SPDYE21: variants seen among roughly 807,000 people sequenced by gnomAD.
SPDYE21 encodes speedy protein E21.
A neutral mutation model predicts 36.2 loss-of-function variants in SPDYE21; 14 were observed. That is an observed-to-expected ratio of 0.39 (90% confidence interval 0.26 to 0.61). SPDYE21 has a LOEUF of 0.61. Among genes scored for constraint, SPDYE21 ranks in the 20% least tolerant of loss-of-function variants. SPDYE21 has a pLI of 0.55. For synonymous variants in SPDYE21, 58 were observed against 155.1 expected (o/e 0.37, Z 4.65); for missense variants, 233 against 424.6 (o/e 0.55, Z 3.97).
At chr7:67,282,462 G>A (rs1047795077) in intron 4 of SPDYE21, among the ~76,000 whole-genome samples, 173 bp from the exon 5 acceptor site, 2 of 150,926 alleles carry the variant, frequency 1.3e-5, no homozygotes, top group Admixed American at 6.6e-5. Context: ...GGGAGTCTCA[G>A]AGCAGGAGCC....
In SPDYE21 at chr7:67,286,187, G is replaced by A. The variant is rs1802729671; in HGVS notation, c.899G>A (p.Arg300Lys). 7 of 1,611,482 alleles carry A rather than the reference G, an allele frequency of 4.3e-6. No homozygotes were observed. The African/African-American group carries it at 5.4e-5, about 12-fold the overall frequency. Residue 300 changes from arginine (R) to lysine (K), a missense_variant, in exon 7 of 9, where the codon AGG becomes AAG. Physicochemically the swap from Arg to Lys is conservative, Grantham distance 26 (BLOSUM62 2). Transcript: ENST00000424157. ...QLGRSMNPRA[R>K]KNRSRIPLLR... ...GGCCGTTCCATGAACCCGAGGGCCA[G>A]GAAGAACCGCTCTCGCATACCCTTG...
intron 1 of SPDYE21, among the ~76,000 whole-genome samples, chr7:67,278,026 G>T (rs3980818): frequency 3.0e-5 from 2 of 67,340 alleles, no homozygotes; most frequent in African/African-American, 1.2e-4. Flanking sequence ...TATAGAATCT[G>T]GGACAGTGAA....
chr7:67,286,113 G>C lies in SPDYE21; in HGVS notation c.825G>C (p.Gly275=), dbSNP rs1245157599. 6.2e-7 allele frequency: 1 copy of C among 1,613,926 alleles called. No individual in the cohort carries two copies. The highest frequency in any genetic ancestry group is 1.3e-5 in the African/African-American group (1 of 74,918). ...AAAACATCTTCCACTTCCTGTATGG[G>C]AAGACCCGCTCTCGCATACCCTTGC... ...SKQNIFHFLY[G]KTRSRIPLLR... Residue 275 remains glycine (G), a synonymous_variant, in exon 7 of 9, where the codon GGG becomes GGC. Transcript: ENST00000424157.
chr7:67,283,256 C>T (rs1196235333), intron 5 of SPDYE21, among the ~76,000 whole-genome samples: 1 of 148,252 alleles, frequency 6.7e-6, no homozygotes, highest in Non-Finnish European at 1.5e-5. Flanking sequence ...TCCTCAGCCC[C>T]CTGAGGAGCT....
At position 67,286,421 on chromosome 7, in the gene SPDYE21, C is replaced by T. The variant is rs570883354; in HGVS notation, c.1133C>T (p.Pro378Leu). Residue 378 changes from proline to leucine, a missense_variant, in exon 7 of 9, where the codon CCG (proline) becomes CTG (leucine). By Grantham distance (98) the Pro-to-Leu change is moderately conservative. Around this residue, in one of 4 missense-constraint regions of SPDYE21, gnomAD observed 139 missense variants for 175.8 expected, o/e 0.79. Transcript: ENST00000424157. ...CSMSGRAWVS[P>L]EELEEIQAYD... ...ATGAGCGGCAGGGCTTGGGTTTCCC[C>T]GGAGGAGTTGGAGGAGGTGAGTGGG... Among the ~76,000 whole-genome samples, 24 of 151,644 alleles carry T rather than the reference C, an allele frequency of 1.6e-4. No individual in the cohort carries two copies. Among genetic ancestry groups the T allele is most frequent in the East Asian group, 5.9e-4 (3 of 5,120 alleles).
Position 67,286,055 on chromosome 7 carries a change from A to G in SPDYE21, c.767A>G (p.Asn256Ser). ...ATTTCTATCCTCAGCTACCTGGCCA[A>G]TGACATGGAGGAGGACGACGAGGAC... ...IHFFLALYLA[N>S]DMEEDDEDSK... is the part of the protein sequence containing the mutation. The change falls in exon 7 of 9, where the codon AAT (asparagine) becomes AGT (serine). Residue 256 changes from asparagine (N) to serine (S), a missense_variant. Physicochemically the swap from Asn to Ser is conservative, Grantham distance 46. This residue lies in a region of SPDYE21 where 139 missense variants were observed against 175.8 expected (regional missense o/e 0.79). Transcript: ENST00000424157. The G allele has an allele frequency of 6.2e-7, 1 of 1,613,228 alleles. No individual in the cohort carries two copies. The highest frequency in any genetic ancestry group is 8.5e-7 in the Non-Finnish European group (1 of 1,180,006).
At chr7:67,281,964 C>G (rs975512221) in intron 4 of SPDYE21, among the ~76,000 whole-genome samples, 1 of 151,842 alleles carries the variant, frequency 6.6e-6, no homozygotes, top group African/African-American at 2.4e-5. Context: ...AGAGCAAAAC[C>G]CTGTCTCAAA....
intron 5 of SPDYE21, among the ~76,000 whole-genome samples, chr7:67,283,067 A>G (rs1802670423): frequency 6.6e-6 from 1 of 150,380 alleles, no homozygotes; most frequent in Admixed American, 6.7e-5. Flanking sequence ...TGGCCTCCCA[A>G]AGTGCTGAGA....
chr7:67,286,103 T>C lies in SPDYE21; in HGVS notation c.815T>C (p.Phe272Ser). 1 of 1,614,026 alleles carries C rather than the reference T, an allele frequency of 6.2e-7. No individual in the cohort carries two copies. Among genetic ancestry groups the C allele is most frequent in the Non-Finnish European group, 8.5e-7 (1 of 1,180,030 alleles). Reference protein sequence around the residue: ...DEDSKQNIFHFLYGKTRSRIP... With the variant: ...DEDSKQNIFHSLYGKTRSRIP... ...GACTCCAAACAAAACATCTTCCACT[T>C]CCTGTATGGGAAGACCCGCTCTCGC... Residue 272 changes from phenylalanine (F) to serine (S), a missense_variant, in exon 7 of 9, where the codon TTC (phenylalanine) becomes TCC (serine). By Grantham distance (155) the Phe-to-Ser change is radical. Coordinates refer to ENST00000424157, the MANE Select transcript of SPDYE21 (RefSeq NM_001382715.2).
At chr7:67,281,919 C>G (rs995279767) in intron 4 of SPDYE21, among the ~76,000 whole-genome samples, 133 of 152,278 alleles carry the variant, frequency 8.7e-4, no homozygotes, top group African/African-American at 3.0e-3. Flanking sequence ...CTGCAGTGAG[C>G]TGTGACTACA....
At chr7:67,284,247 G>A (rs1211741880) in intron 6 of SPDYE21, among the ~76,000 whole-genome samples, 6 of 150,462 alleles carry the variant, frequency 4.0e-5, no homozygotes, top group African/African-American at 9.8e-5. Context: ...TCAGCAGTTC[G>A]AGACCAGCCT....
At chr7:67,284,564 A>G (rs1802696602) in intron 6 of SPDYE21, among the ~76,000 whole-genome samples, 2 of 146,096 alleles carry the variant, frequency 1.4e-5, no homozygotes, top group African/African-American at 2.5e-5. Context: ...GGAGTGGAGG[A>G]GCGGACATGC....
intron 3 of SPDYE21, among the ~76,000 whole-genome samples, chr7:67,281,119 A>G (rs1236471678): frequency 2.8e-5 from 4 of 141,732 alleles, no homozygotes; most frequent in Non-Finnish European, 1.6e-5. Flanking sequence ...AAAAAAAAAA[A>G]AAAAAGGGAC....
In SPDYE21 at chr7:67,288,263, G is replaced by T. The variant is rs1802777270; in HGVS notation, c.*791G>T. On this transcript the variant is annotated 3_prime_UTR_variant, in exon 9 of 9. Transcript: ENST00000424157. Reference sequence around the variant, plus strand: ...TAATCTCTTCTATTTATAGCTATTGGTAGTTCCCCACCAGAAAAAAACATA... The same window carrying T: ...TAATCTCTTCTATTTATAGCTATTGTTAGTTCCCCACCAGAAAAAAACATA... 6.7e-6 allele frequency among the ~76,000 whole-genome samples: 1 copy of T among 148,334 alleles called. No homozygotes were observed. Among genetic ancestry groups the T allele is most frequent in the Non-Finnish European group, 1.5e-5 (1 of 66,864 alleles).
In SPDYE21 at chr7:67,279,842, C is replaced by G. The variant is rs1177244903; in HGVS notation, c.185C>G (p.Pro62Arg). The G allele has an allele frequency of 3.1e-6, 5 of 1,593,508 alleles. No homozygotes were observed. In the African/African-American group the frequency reaches 4.0e-5, roughly 13 times the overall value. ...GCCCCTGGGGTAGATCCCAGCCCCC[C>G]ATGTAGGTCCCTTGGCTGGAAAAGG... ...PSAPGVDPSP[P>R]CRSLGWKRKK... The change falls in exon 3 of 9, where the codon CCA becomes CGA. Residue 62 changes from proline (P) to arginine (R), a missense_variant. Transcript: ENST00000424157.
In SPDYE21 at chr7:67,278,146, CACATGATAATCTCACTCTTGT is replaced by C. The variant is rs1563093972; in HGVS notation, c.-422-125_-422-105del. ...CTTGTACATGATAATCTCACTCTTG[CACATGATAATCTCACTCTTGT>C]ACATGATAATCTCACTCTTGCACAT... On this transcript the variant is annotated intron_variant, in intron 1 of 8. Coordinates refer to ENST00000424157, the MANE Select transcript of SPDYE21 (RefSeq NM_001382715.2). Among the ~76,000 whole-genome samples the C allele has an allele frequency of 2.5e-3, 95 of 38,244 alleles. 18 individuals are homozygous for C. Among genetic ancestry groups the C allele is most frequent in the East Asian group, 0.016 (13 of 832 alleles). The allele number at this position is 38,244 out of a possible 152,430, so 25.1% of individuals were successfully genotyped here.
chr7:67,287,132 G>C (rs1443532911), intron 8 of SPDYE21, among the ~76,000 whole-genome samples: 2 of 152,200 alleles, frequency 1.3e-5, no homozygotes, highest in African/African-American at 4.8e-5. Context: ...CTCGTGGTTC[G>C]TGATGTTGTC....
intron 5 of SPDYE21, among the ~76,000 whole-genome samples, chr7:67,283,018 T>C (rs1467555889): frequency 1.4e-5 from 2 of 142,478 alleles, no homozygotes; most frequent in African/African-American, 5.3e-5. Context: ...GTTGGCCAGG[T>C]TGGTCCTGAA....
chr7:67,277,687 G>C (rs1176589256), intron 1 of SPDYE21, among the ~76,000 whole-genome samples: 1 of 151,712 alleles, frequency 6.6e-6, no homozygotes, highest in Non-Finnish European at 1.5e-5. Flanking sequence ...GCCACCCAAA[G>C]TGCTGGGATT....
Sources: gnomAD v4.1 joint callset for allele counts (sites outside exome capture counted in the v4.1 genomes callset) on GRCh38, gnomAD v4.1.1 for gene constraint, gnomAD v4.1.1 regional missense constraint, MANE v1.5 for transcripts, NCBI Gene and HGNC (gene_info 2026-07-23, HGNC 2026-07-21) for gene names.